FH: variants seen among roughly 807,000 people sequenced by gnomAD.
The protein encoded by FH is fumarate hydratase, mitochondrial.
Under a neutral mutation model 49.4 loss-of-function variants are expected in FH, and 22 were observed. The ratio of observed to expected loss-of-function variants is 0.45; its 90% CI spans 0.32 to 0.64. The LOEUF is 0.64. Ranked by LOEUF, FH falls within the 30% of genes least tolerant of loss-of-function variation. FH has a pLI of 0.05. For missense variants in FH, 526 were observed against 641.5 expected, an observed-to-expected ratio of 0.82 and a Z score of 1.95; for synonymous variants, 208 against 223.0, an observed-to-expected ratio of 0.93 and a Z score of 0.60.
chr1:241,501,483 T>C (rs1659778542), intron 8 of FH, among the ~76,000 whole-genome samples: 2 of 152,328 alleles, frequency 1.3e-5, no homozygotes, highest in East Asian at 3.9e-4. Flanking sequence ...GTCTGAGTTC[T>C]GCTCTGGCCT....
At chr1:241,513,783 G>T in intron 2 of FH, 70 bp from the exon 3 acceptor site, 2 of 1,232,432 alleles carry the variant, frequency 1.6e-6, no homozygotes, top group Non-Finnish European at 2.4e-6. Context: ...TATTTTGGCA[G>T]ATGCAAAAGC....
intron 4 of FH, among the ~76,000 whole-genome samples, chr1:241,510,222 A>T (rs1660049508): frequency 6.6e-6 from 1 of 152,214 alleles, no homozygotes; most frequent in Non-Finnish European, 1.5e-5. Context: ...TCCAATAAGA[A>T]TTCTCCAACA....
At position 241,508,730 on chromosome 1, in the gene FH, T is replaced by C. The variant is rs1060500898; in HGVS notation, c.611A>G (p.His204Arg). ...CTGTAGTCCTGGTAACAGTACTTCA[T>C]GAACTTCTATTGCAGCAGCAATGTG... ...AMHIAAAIEV[H>R]EVLLPGLQKL... The change falls in exon 5 of 10, where the codon CAT (histidine) becomes CGT (arginine). Residue 204 changes from histidine to arginine, a missense_variant. His to Arg is a conservative substitution (Grantham distance 29, BLOSUM62 0). Transcript: ENST00000366560. 1.2e-6 allele frequency: 2 copies of C among 1,613,904 alleles called. No individual in the cohort carries two copies. The highest frequency in any genetic ancestry group is 2.2e-5 in the South Asian group (2 of 91,082).
intron 2 of FH, among the ~76,000 whole-genome samples, chr1:241,514,441 A>G (rs1288641210): frequency 6.6e-6 from 1 of 152,222 alleles, no homozygotes; most frequent in Admixed American, 6.5e-5. Context: ...ACCAAGCTTG[A>G]AAAGGATAAA....
intron 8 of FH, 49 bp from the exon 9 acceptor site, chr1:241,500,639 G>A (rs201422946): frequency 6.3e-7 from 1 of 1,581,930 alleles, no homozygotes; most frequent in Admixed American, 1.7e-5. Context: ...GAGAGAGAGA[G>A]ACATTACTAA....
chr1:241,513,122 G>A (rs1053621351), intron 3 of FH, among the ~76,000 whole-genome samples: 1 of 152,002 alleles, frequency 6.6e-6, no homozygotes, highest in Admixed American at 6.5e-5. Context: ...AGCTGTTATA[G>A]TTACGCATTG....
At position 241,500,554 on chromosome 1, in the gene FH, C is replaced by G. The variant is rs1228511377; in HGVS notation, c.1273G>C (p.Asp425His). 1 of 1,611,676 alleles carries G rather than the reference C, an allele frequency of 6.2e-7. No individual in the cohort carries two copies. The highest frequency in any genetic ancestry group is 8.5e-7 in the Non-Finnish European group (1 of 1,179,640). Residue 425 changes from aspartate (D) to histidine (H), a missense_variant, in exon 9 of 10, where the codon GAT becomes CAT. Coordinates refer to ENST00000366560, the MANE Select transcript of FH (RefSeq NM_000143.4). Reference protein sequence around the residue: ...NVLHSARLLGDASVSFTENCV... With the variant: ...NVLHSARLLGHASVSFTENCV... ...TTTTCTGTAAAGGAAACTGAAGCAT[C>G]CCCCAGCAGCCTGGCTGAGTGTAAC...
Position 241,506,133 on chromosome 1 carries a change from T to G in FH, c.774A>C (p.Ala258=). The G allele has an allele frequency of 6.2e-7, 1 of 1,613,900 alleles. No individual in the cohort carries two copies. Among genetic ancestry groups the G allele is most frequent in the Non-Finnish European group, 8.5e-7 (1 of 1,179,874 alleles). ...FSGYVQQVKY[A]MTRIKAAMPR... is the part of the protein sequence containing the mutation. ...GCATGGCAGCTTTTATTCTTGTCAT[T>G]GCATATTTTACTTGTTGAACATAAC... Residue 258 remains alanine, a synonymous_variant, in exon 6 of 10, where the codon GCA becomes GCC. Coordinates refer to ENST00000366560, the MANE Select transcript of FH (RefSeq NM_000143.4).
chr1:241,503,662 A>G (rs1659837064), intron 7 of FH, among the ~76,000 whole-genome samples: 1 of 152,250 alleles, frequency 6.6e-6, no homozygotes, highest in South Asian at 2.1e-4. Context: ...GAATCTATCA[A>G]ATGACTTGCT....
intron 7 of FH, 106 bp downstream of exon 7, chr1:241,503,936 A>G: frequency 8.2e-7 from 1 of 1,213,330 alleles, no homozygotes; most frequent in Non-Finnish European, 1.2e-6. Flanking sequence ...CGCCTTGCGC[A>G]TCCAGCTGCG....
chr1:241,507,495 A>C (rs1659960354), intron 5 of FH, among the ~76,000 whole-genome samples: 1 of 152,144 alleles, frequency 6.6e-6, no homozygotes, highest in Non-Finnish European at 1.5e-5. Flanking sequence ...ACAATGCACG[A>C]ACTCAAAAGA....
intron 8 of FH, among the ~76,000 whole-genome samples, 195 bp from the exon 9 acceptor site, chr1:241,500,785 T>C (rs554979077): frequency 6.6e-6 from 1 of 152,230 alleles, no homozygotes; most frequent in East Asian, 1.9e-4. Context: ...GCATGAACAT[T>C]TGAAGGCACA....
intron 4 of FH, among the ~76,000 whole-genome samples, chr1:241,510,287 G>A (rs1306117418): frequency 6.6e-6 from 1 of 152,146 alleles, no homozygotes; most frequent in Non-Finnish European, 1.5e-5. Context: ...ACAAGACAAT[G>A]AGCTTGGAGC....
At chr1:241,512,294 A>T (rs1660108205) in intron 3 of FH, 151 bp from the exon 4 acceptor site, 1 of 655,714 alleles carries the variant, frequency 1.5e-6, no homozygotes, top group Non-Finnish European at 2.6e-6. Flanking sequence ...AATATTATCT[A>T]TAGTGAATGG....
chr1:241,503,183 T>G (rs1219447001), intron 7 of FH, among the ~76,000 whole-genome samples: 1 of 152,220 alleles, frequency 6.6e-6, no homozygotes, highest in Non-Finnish European at 1.5e-5. Context: ...ATTGCCTTTA[T>G]CTGTGACTCC....
rs71174810 is a variant in FH at position 241,509,778 on chromosome 1, A to AACACAC, written c.556-999_556-994dup. On this transcript the variant is annotated intron_variant, in intron 4 of 9. Coordinates refer to ENST00000366560, the MANE Select transcript of FH (RefSeq NM_000143.4). Reference sequence around the variant, plus strand: ...GTGACAGAGTGAAGCACAATCTCTAAACACACACACACACACACACACACA... The same window carrying AACACAC: ...GTGACAGAGTGAAGCACAATCTCTAAACACACACACACACACACACACACACACACA... Among the ~76,000 whole-genome samples the AACACAC allele has an allele frequency of 2.1e-3, 294 of 139,370 alleles. 1 individual carries two copies. Among genetic ancestry groups the AACACAC allele is most frequent in the African/African-American group, 6.1e-3 (232 of 38,184 alleles). 91.4% of individuals were successfully genotyped at this position (139,370 alleles called of 152,430 possible). A position where few individuals can be genotyped will look rare whatever the true frequency, so the allele number is the denominator to read the frequency against.
rs531083067 is a variant in FH at position 241,513,797 on chromosome 1, A to G, written c.268-84T>C. On this transcript the variant is annotated intron_variant, in intron 2 of 9. Coordinates refer to ENST00000366560, the MANE Select transcript of FH (RefSeq NM_000143.4). ...TTATTTTGGCAGATGCAAAAGCTAT[A>G]CATAAAACAATAACAATAAAACAGT... The G allele has an allele frequency of 3.4e-5, 35 of 1,027,256 alleles. No homozygotes were observed. In the East Asian group the frequency reaches 6.6e-4, roughly 19 times the overall value. The allele number at this position is 1,027,256 out of a possible 1,614,324, so 63.6% of individuals were successfully genotyped here.
chr1:241,518,020 G>T (rs2225788), intron 1 of FH, among the ~76,000 whole-genome samples: 99,036 of 151,996 alleles, frequency 0.65, 32,606 homozygotes, highest in South Asian at 0.76. Flanking sequence ...TATCCCCATA[G>T]GGACTGTCTT....
intron 8 of FH, 80 bp downstream of exon 8, chr1:241,502,363 A>C: frequency 6.5e-7 from 1 of 1,542,208 alleles, no homozygotes; most frequent in South Asian, 1.1e-5. Flanking sequence ...ATGTGGAATC[A>C]CTAGAAGTCT....
Sources: allele counts gnomAD v4.1 joint callset (sites outside exome capture counted in the v4.1 genomes callset), GRCh38; gene constraint gnomAD v4.1.1; transcripts MANE v1.5; gene names NCBI Gene and HGNC (gene_info 2026-07-23, HGNC 2026-07-21).